POLA1: variants seen among roughly 807,000 people sequenced by gnomAD.
POLA1 encodes DNA polymerase alpha 1, catalytic subunit, also known as DNA polymerase alpha catalytic subunit.
POLA1 carries 15 observed loss-of-function variants against 124.0 expected under a neutral mutation model. The ratio of observed to expected loss-of-function variants is 0.12; its 90% CI spans 0.08 to 0.19. The LOEUF (loss-of-function observed/expected upper bound fraction) is 0.19. Among genes scored for constraint, POLA1 ranks in the 10% least tolerant of loss-of-function variants. POLA1 has a pLI of 1.00. For missense variants in POLA1, 886 were observed against 1,103.4 expected, an observed-to-expected ratio of 0.80 and a Z score of 2.79; for synonymous variants, 408 against 389.4, an observed-to-expected ratio of 1.05 and a Z score of -0.56.
At position 24,996,785 on chromosome X, in the gene POLA1, A is replaced by G. The variant is rs1349856498; in HGVS notation, c.*835A>G. 14 of 111,763 alleles carry G rather than the reference A, an allele frequency of 1.3e-4. No individual in the cohort carries two copies. The Admixed American group carries it at 1.3e-3, about 11-fold the overall frequency. 9.2% of individuals were successfully genotyped at this position (111,763 alleles called of 1,213,427 possible). On this transcript the variant is annotated 3_prime_UTR_variant, in exon 37 of 37. Coordinates refer to ENST00000379068, the MANE Select transcript of POLA1 (RefSeq NM_001330360.2). ...TGCTATTTTTTTCTCATTTCTTCAC[A>G]ATAGGACCGTCTTTGGCAGCAGCAA...
At chrX:24,950,612 C>G (rs756067849) in intron 36 of POLA1, among the ~76,000 whole-genome samples, 3 of 112,220 alleles carry the variant, frequency 2.7e-5, no homozygotes, top group Admixed American at 9.4e-5. Context: ...TTTTCTGTAT[C>G]TGCTTAGATT....
At chrX:24,912,914 A>G (rs746452010) in intron 35 of POLA1, among the ~76,000 whole-genome samples, 2 of 112,653 alleles carry the variant, frequency 1.8e-5, no homozygotes, top group Non-Finnish European at 3.8e-5. Flanking sequence ...GCTGGTGGGA[A>G]TGTAAAGTGG....
rs1368577644 is a variant in POLA1, at chrX:24,996,055, G to A, written c.*105G>A. The A allele has an allele frequency of 3.4e-5, 24 of 710,989 alleles. No individual in the cohort carries two copies. The highest frequency in any genetic ancestry group is 4.6e-5 in the Non-Finnish European group (22 of 477,718). The allele number at this position is 710,989 out of a possible 1,213,427, so 58.6% of individuals were successfully genotyped here. A position where few individuals can be genotyped will look rare whatever the true frequency, so the allele number is the denominator to read the frequency against. Reference sequence around the variant, plus strand: ...TCCTCCAGCATCTGTTTCTCCCTTGGGACTGTGTCTCATGTTTGTGTGAAT... The same window carrying A: ...TCCTCCAGCATCTGTTTCTCCCTTGAGACTGTGTCTCATGTTTGTGTGAAT... On this transcript the variant is annotated 3_prime_UTR_variant, in exon 37 of 37. Transcript: ENST00000379068.
chrX:24,748,498 T>G, intron 25 of POLA1, 38 bp downstream of exon 25: 1 of 1,085,461 alleles, frequency 9.2e-7, no homozygotes. Flanking sequence ...AGTGACAGTC[T>G]CAGCTTTTAC....
chrX:24,847,705 T>C (rs1391276689), intron 34 of POLA1, among the ~76,000 whole-genome samples: 2 of 112,398 alleles, frequency 1.8e-5, no homozygotes, highest in Non-Finnish European at 3.8e-5. Flanking sequence ...GGCTGTGCTT[T>C]CTTTTCTGTT....
At chrX:24,910,386 A>C (rs1413758166) in intron 35 of POLA1, among the ~76,000 whole-genome samples, 1 of 110,175 alleles carries the variant, frequency 9.1e-6, no homozygotes, top group Non-Finnish European at 1.9e-5. Flanking sequence ...TTTGTCATAG[A>C]TAGCTCTTAT....
intron 10 of POLA1, among the ~76,000 whole-genome samples, chrX:24,718,775 A>G (rs1393615949): frequency 1.8e-5 from 2 of 111,984 alleles, no homozygotes; most frequent in African/African-American, 6.5e-5. Context: ...CCTGGAGATC[A>G]GTCAATCCAG....
At chrX:24,801,662 C>T (rs113668564) in intron 26 of POLA1, among the ~76,000 whole-genome samples, 1,175 of 110,675 alleles carry the variant, frequency 0.011, 18 homozygotes, top group African/African-American at 0.037. Flanking sequence ...TAATAATAAC[C>T]CCTAACATTT....
chrX:24,913,433 C>T (rs1450624975), intron 35 of POLA1, among the ~76,000 whole-genome samples: 1 of 111,072 alleles, frequency 9.0e-6, no homozygotes. Context: ...GTGGTAAGGC[C>T]AGGTGTGGTG....
chrX:24,801,304 CTGT>C (rs1214026760), intron 26 of POLA1, among the ~76,000 whole-genome samples: 3 of 112,085 alleles, frequency 2.7e-5, no homozygotes, highest in Non-Finnish European at 5.6e-5. Flanking sequence ...CTTTAGGGTC[CTGT>C]TGTTGTGGAG....
At chrX:24,943,393 T>A (rs2047928727) in intron 36 of POLA1, among the ~76,000 whole-genome samples, 1 of 112,678 alleles carries the variant, frequency 8.9e-6, no homozygotes, top group Non-Finnish European at 1.9e-5. Flanking sequence ...GATTTTTTGT[T>A]GTGTTTTGTT....
At chrX:24,844,982 A>T (rs991126164) in intron 34 of POLA1, among the ~76,000 whole-genome samples, 2 of 111,838 alleles carry the variant, frequency 1.8e-5, no homozygotes, top group Non-Finnish European at 3.8e-5. Context: ...GTCTATCAAG[A>T]TCTTCACCAT....
Position 24,717,031 on chromosome X carries a change from G to A in POLA1, c.706+60G>A, listed in dbSNP as rs1391668884. Reference sequence around the variant, plus strand: ...TGAGTGGTTTCTGTCAAAAATGGAGGCCCTATGATGGAGGAGGTAGAGGAG... The same window carrying A: ...TGAGTGGTTTCTGTCAAAAATGGAGACCCTATGATGGAGGAGGTAGAGGAG... On this transcript the variant is annotated intron_variant, in intron 8 of 36. Transcript: ENST00000379068. 18 of 744,308 alleles carry A rather than the reference G, an allele frequency of 2.4e-5. No individual in the cohort carries two copies. In the East Asian group the frequency reaches 5.2e-4, roughly 21 times the overall value. The allele number at this position is 744,308 out of a possible 1,213,427, so 61.3% of individuals were successfully genotyped here. A position where few individuals can be genotyped will look rare whatever the true frequency, so the allele number is the denominator to read the frequency against.
chrX:24,916,287 C>CTTTTTT (rs1301083848), intron 35 of POLA1, among the ~76,000 whole-genome samples: 3,270 of 95,053 alleles, frequency 0.034, 212 homozygotes, highest in African/African-American at 0.12. Flanking sequence ...TTTCTTTTTT[C>CTTTTTT]TTTTTTTTTT....
chrX:24,739,556 A>G lies in POLA1; in HGVS notation c.2216+6A>G. The G allele has an allele frequency of 1.8e-6, 2 of 1,102,652 alleles. No individual in the cohort carries two copies. The highest frequency in any genetic ancestry group is 6.1e-5 in the East Asian group (2 of 32,998). The allele number at this position is 1,102,652 out of a possible 1,213,427, so 90.9% of individuals were successfully genotyped here. A position where few individuals can be genotyped will look rare whatever the true frequency, so the allele number is the denominator to read the frequency against. On this transcript the variant is annotated splice_donor_region_variant and intron_variant, in intron 20 of 36. Transcript: ENST00000379068. ...AATATACAAAATATGTACAGGTATG[A>G]TCCTAGATTCTTCAGAATTCATCTG...
chrX:24,777,847 G>GT (rs1250911983), intron 26 of POLA1, among the ~76,000 whole-genome samples: 1 of 112,095 alleles, frequency 8.9e-6, no homozygotes, highest in Admixed American at 9.5e-5. Flanking sequence ...GAAACTGAAA[G>GT]TGTGGGCAGG....
At chrX:24,752,618 C>T (rs1449911769) in intron 26 of POLA1, among the ~76,000 whole-genome samples, 1 of 111,910 alleles carries the variant, frequency 8.9e-6, no homozygotes. Flanking sequence ...TGGCGATAGA[C>T]ACCCTGAGAT....
At position 24,714,618 on chromosome X, in the gene POLA1, GAAC is replaced by G. The variant is rs774363704; in HGVS notation, c.416_418del (p.Asn139del). 9 of 1,199,585 alleles carry G rather than the reference GAAC, an allele frequency of 7.5e-6. No homozygotes were observed. The Admixed American group carries it at 1.1e-4, about 15-fold the overall frequency. On this transcript the variant is annotated inframe_deletion, in exon 5 of 37. Transcript: ENST00000379068. ...TAAAGAAGCTCGCAGTGACAAAACC[GAAC>G]AACATTAAGTCAATGTTCATTGCTT...
intron 22 of POLA1, among the ~76,000 whole-genome samples, chrX:24,742,888 G>C (rs1373868823): frequency 8.9e-6 from 1 of 111,891 alleles, no homozygotes; most frequent in Admixed American, 9.5e-5. Context: ...GTGATTTTAA[G>C]AGGGCTGTTT....
Sources: allele counts gnomAD v4.1 joint callset (sites outside exome capture counted in the v4.1 genomes callset), GRCh38; gene constraint gnomAD v4.1.1; transcripts MANE v1.5; gene names NCBI Gene and HGNC (gene_info 2026-07-23, HGNC 2026-07-21).